Variants in TET3 observed in about 807,000 individuals in gnomAD.
The protein encoded by TET3 is methylcytosine dioxygenase TET3.
Under a neutral mutation model 141.4 loss-of-function variants are expected in TET3, and 19 were observed. The ratio of observed to expected loss-of-function variants is 0.13; its 90% CI spans 0.09 to 0.20. TET3 has a LOEUF of 0.20. TET3 is among the 10% of genes least tolerant of loss of function. The probability of loss-of-function intolerance (pLI) is 1.00; values close to 1 mark genes in which losing one functional copy is unlikely to be tolerated. For missense variants in TET3, 1,874 were observed against 2,356.9 expected (o/e 0.80, Z 4.24); for synonymous variants, 1,043 against 980.9 (o/e 1.06, Z -1.18).
intron 2 of TET3, chr2:73,993,167 C>G (rs1005908909): frequency 6.6e-6 from 1 of 152,208 alleles, no homozygotes; most frequent in Non-Finnish European, 1.5e-5. Context: ...CTGGGGCTCC[C>G]AGGTGTACCT....
At chr2:74,061,154 C>A (rs1384358948) in intron 4 of TET3, among the ~76,000 whole-genome samples, 1 of 149,654 alleles carries the variant, frequency 6.7e-6, no homozygotes, top group East Asian at 2.0e-4. Flanking sequence ...CTGACCCCCC[C>A]CACTTCCCTC....
chr2:73,987,006 C>T (rs1480197616), intron 2 of TET3, among the ~76,000 whole-genome samples: 2 of 152,140 alleles, frequency 1.3e-5, no homozygotes, highest in Non-Finnish European at 2.9e-5. Context: ...CTGCTTGAAG[C>T]CTCAGATGTT....
In TET3 at chr2:74,100,940, C is replaced by A; in HGVS notation, c.4152C>A (p.Pro1384=). ...ACTCAGTGTCCAGGGACCCCTCCCC[C>A]TTTGCCCAGAGCTCCAACTGCTACA... is the stretch of plus-strand genomic sequence containing the variant. ...LLHSVSRDPS[P]FAQSSNCYNR... The change falls in exon 12 of 12, where the codon CCC becomes CCA. Residue 1384 remains proline (P), a synonymous_variant. Transcript: ENST00000409262. 6.2e-7 allele frequency: 1 copy of A among 1,610,966 alleles called. No homozygotes were observed. The highest frequency in any genetic ancestry group is 8.5e-7 in the Non-Finnish European group (1 of 1,178,738).
At position 74,093,073 on chromosome 2, in the gene TET3, T is replaced by G; in HGVS notation, c.3129+82T>G. On this transcript the variant is annotated intron_variant, in intron 9 of 11. Coordinates refer to ENST00000409262, the MANE Select transcript of TET3 (RefSeq NM_001287491.2). This position sits in a 1 kb window ranked among gnomAD's most constrained non-coding sequence, Gnocchi z 4.2. ...GCTCTGAAGGTGGGAAGTGGGAGAG[T>G]GGGCTCTTTTACTCTCTTATGGGAA... 1 of 1,298,036 alleles carries G rather than the reference T, an allele frequency of 7.7e-7. No individual in the cohort carries two copies. The highest frequency in any genetic ancestry group is 1.1e-6 in the Non-Finnish European group (1 of 920,124). The allele number at this position is 1,298,036 out of a possible 1,614,324, so 80.4% of individuals were successfully genotyped here.
downstream of TET3, among the ~76,000 whole-genome samples, chr2:74,111,544 TG>T (rs1299712504): frequency 6.6e-6 from 1 of 152,216 alleles, no homozygotes; most frequent in Non-Finnish European, 1.5e-5. Flanking sequence ...TGCACAACTC[TG>T]GGGAACACCA....
chr2:73,994,614 T>TTTTCTTTCTTTCTTTCTTTC (rs935777591), intron 2 of TET3, among the ~76,000 whole-genome samples: 3 of 143,562 alleles, frequency 2.1e-5, no homozygotes, highest in African/African-American at 8.6e-5. Flanking sequence ...GGTCTATTTT[T>TTTTCTTTCTTTCTTTCTTTC]TTTCTTTCTT....
At chr2:74,130,643 C>G in the TET3 span, 4 of 152,306 alleles carry the variant, frequency 2.6e-5, no homozygotes, top group Non-Finnish European at 5.9e-5. Flanking sequence ...CGTCTGGACC[C>G]GGGGATCGAG....
At chr2:74,114,853 C>CAAAAAAGAAAAAAAAAA in the TET3 span, among the ~76,000 whole-genome samples, 1 of 43,882 alleles carries the variant, frequency 2.3e-5, no homozygotes, top group Non-Finnish European at 3.8e-5. Context: ...GACTCTGTCT[C>CAAAAAAGAAAAAAAAAA]AAAAAAAAAA....
At chr2:74,003,750 G>A (rs2105150031) in intron 3 of TET3, among the ~76,000 whole-genome samples, 1 of 151,528 alleles carries the variant, frequency 6.6e-6, no homozygotes, top group East Asian at 2.0e-4. Context: ...GGCGTCTGCT[G>A]TTACTCTGTG....
intron 3 of TET3, among the ~76,000 whole-genome samples, chr2:74,014,472 G>T (rs1685626629): frequency 6.6e-6 from 1 of 152,088 alleles, no homozygotes; most frequent in Non-Finnish European, 1.5e-5. Flanking sequence ...AGCACTTGGT[G>T]ACTCCCTTGG....
the TET3 span, among the ~76,000 whole-genome samples, chr2:74,116,012 C>CAAA: frequency 1.9e-4 from 16 of 84,492 alleles, no homozygotes; most frequent in African/African-American, 5.5e-4. Flanking sequence ...GATCTGGTCT[C>CAAA]AAAAAAAAAA....
At chr2:74,121,791 A>G in the TET3 span, 1 of 152,314 alleles carries the variant, frequency 6.6e-6, no homozygotes, top group South Asian at 2.1e-4. Flanking sequence ...CGAGGTCAGG[A>G]GTTTCAGACC....
At position 74,003,162 on chromosome 2, in the gene TET3, T is replaced by C. The variant is rs1389432929; in HGVS notation, c.356T>C (p.Val119Ala). The C allele has an allele frequency of 4.5e-6, 7 of 1,549,688 alleles. No individual in the cohort carries two copies. Among genetic ancestry groups the C allele is most frequent in the East Asian group, 4.9e-5 (2 of 40,898 alleles). ...GGGCCGTGGGGACAAGGAGCGGCTGTCAAGGTACCTTGTGTGTGTGCGTGC... is the reference window on the plus strand; with the variant it reads ...GGGCCGTGGGGACAAGGAGCGGCTGCCAAGGTACCTTGTGTGTGTGCGTGC... ...GAGPWGQGAA[V>A]KTGSELSPVD... Residue 119 changes from valine to alanine, a missense_variant, in exon 3 of 12, where the codon GTC becomes GCC. Around this residue, in one of 10 missense-constraint regions of TET3, gnomAD observed 366 missense variants for 487.0 expected, o/e 0.75. Transcript: ENST00000409262.
chr2:74,074,895 ACGGAGTCGTG>A (rs1047169362), intron 5 of TET3, among the ~76,000 whole-genome samples: 5 of 151,136 alleles, frequency 3.3e-5, no homozygotes, highest in Non-Finnish European at 5.9e-5. Flanking sequence ...TTTTTTTGAG[ACGGAGTCGTG>A]CTGTCACCCA....
intron 10 of TET3, among the ~76,000 whole-genome samples, chr2:74,095,659 C>T (rs963754242): frequency 6.6e-6 from 1 of 152,194 alleles, no homozygotes; most frequent in African/African-American, 2.4e-5. Flanking sequence ...GTTCTATGAC[C>T]TGCTTTTCTT....
At chr2:74,052,481 G>A (rs1687995888) in intron 4 of TET3, among the ~76,000 whole-genome samples, 1 of 148,206 alleles carries the variant, frequency 6.7e-6, no homozygotes, top group African/African-American at 2.5e-5. Flanking sequence ...GAAATATGGA[G>A]ACTCCATGAA....
chr2:74,072,170 A>G (rs1689244342), intron 4 of TET3, among the ~76,000 whole-genome samples: 1 of 152,210 alleles, frequency 6.6e-6, no homozygotes, highest in Non-Finnish European at 1.5e-5. Context: ...AGTATTTCAT[A>G]TAAATGGAAT....
chr2:74,114,850 T>C, the TET3 span, among the ~76,000 whole-genome samples: 1 of 30,770 alleles, frequency 3.2e-5, no homozygotes, highest in African/African-American at 2.9e-4. Flanking sequence ...AGAGACTCTG[T>C]CTCAAAAAAA....
At chr2:74,033,303 T>C (rs1176526905) in intron 3 of TET3, among the ~76,000 whole-genome samples, 1 of 152,264 alleles carries the variant, frequency 6.6e-6, no homozygotes, top group Non-Finnish European at 1.5e-5. Context: ...CCTTGCTGTT[T>C]TGTGTGTTTA....
Sources: allele counts gnomAD v4.1 joint callset (sites outside exome capture counted in the v4.1 genomes callset), GRCh38; gene constraint gnomAD v4.1.1; regional missense constraint gnomAD v4.1.1; non-coding constraint Gnocchi (gnomAD v3.1); transcripts MANE v1.5; gene names NCBI Gene and HGNC (gene_info 2026-07-23, HGNC 2026-07-21).